ZNF638: variants seen among roughly 807,000 people sequenced by gnomAD.
The protein encoded by ZNF638 is zinc finger protein 638, also known as CTCL tumor antigen se33-1.
Under a neutral mutation model 195.6 loss-of-function variants are expected in ZNF638, and 46 were observed. The observed-to-expected ratio is 0.24, with a 90% CI of 0.19 to 0.30. The LOEUF is 0.30. Among genes scored for constraint, ZNF638 ranks in the 10% least tolerant of loss-of-function variants. The pLI, the probability that ZNF638 is intolerant of heterozygous loss-of-function variation, is 1.00. For missense variants in ZNF638, 2,440 were observed against 2,325.3 expected, an observed-to-expected ratio of 1.05 and a Z score of -1.01; for synonymous variants, 845 against 772.0, an observed-to-expected ratio of 1.09 and a Z score of -1.57.
At position 71,348,757 on chromosome 2, in the gene ZNF638, G is replaced by C. The variant is rs913671958; in HGVS notation, c.-198G>C. ...TATTTGTGTTTTAACTTTCAGCTTT[G>C]TGTTATTCTTGGAAAATTTCGCACC... On this transcript the variant is annotated 5_prime_UTR_variant, in exon 2 of 28. Transcript: ENST00000264447. 1 of 1,530,876 alleles carries C rather than the reference G, an allele frequency of 6.5e-7. No homozygotes were observed. Among genetic ancestry groups the C allele is most frequent in the Non-Finnish European group, 8.7e-7 (1 of 1,143,212 alleles). 94.8% of individuals were successfully genotyped at this position (1,530,876 alleles called of 1,614,324 possible). A position where few individuals can be genotyped will look rare whatever the true frequency, so the allele number is the denominator to read the frequency against.
Position 71,364,111 on chromosome 2 carries a change from T to G in ZNF638, c.1576T>G (p.Cys526Gly). Residue 526 changes from cysteine to glycine, a missense_variant, in exon 5 of 28, where the codon TGC (cysteine) becomes GGC (glycine). Physicochemically the swap from Cys to Gly is radical, Grantham distance 159. Transcript: ENST00000264447. ...GCCGAGAAGTCGAAGTCCAAGAATT[T>G]GCCATCGTTTCATTTCTAGATACAG... Reference protein sequence around the residue: ...YRPRSRSPRICHRFISRYRSR... With the variant: ...YRPRSRSPRIGHRFISRYRSR... The G allele has an allele frequency of 6.2e-7, 1 of 1,614,138 alleles. No homozygotes were observed. Among genetic ancestry groups the G allele is most frequent in the South Asian group, 1.1e-5 (1 of 91,080 alleles).
At chr2:71,395,289 A>C (rs1314938788) in intron 10 of ZNF638, 1 of 717,290 alleles carries the variant, frequency 1.4e-6, no homozygotes, top group Non-Finnish European at 2.6e-6. Flanking sequence ...ACGCCTGACA[A>C]ACCTGCTGCT....
chr2:71,426,904 C>A lies in ZNF638; in HGVS notation c.5035C>A (p.Arg1679Ser). 1 of 1,614,120 alleles carries A rather than the reference C, an allele frequency of 6.2e-7. No individual in the cohort carries two copies. The highest frequency in any genetic ancestry group is 8.5e-7 in the Non-Finnish European group (1 of 1,180,004). ...AGAACAAGATCTCCTCAAACAGGAA[C>A]GCTTGGTAACTGTGGATGAAATTGG... is the stretch of plus-strand genomic sequence containing the variant. ...AEEQDLLKQE[R>S]LVTVDEIGEV... Residue 1679 changes from arginine (R) to serine (S), a missense_variant, in exon 24 of 28, where the codon CGC (arginine) becomes AGC (serine). By Grantham distance (110) the Arg-to-Ser change is moderately radical. This residue lies in a region of ZNF638 where 1,883 missense variants were observed against 1,739.1 expected (regional missense o/e 1.08). Coordinates refer to ENST00000264447, the MANE Select transcript of ZNF638 (RefSeq NM_014497.5).
chr2:71,345,142 T>C (rs2078828981), intron 1 of ZNF638, among the ~76,000 whole-genome samples: 1 of 152,206 alleles, frequency 6.6e-6, no homozygotes, highest in Admixed American at 6.5e-5. Context: ...ATTGTTAATC[T>C]CTTACTGTAG....
chr2:71,357,422 G>C (rs2079041674), intron 3 of ZNF638, among the ~76,000 whole-genome samples: 1 of 152,138 alleles, frequency 6.6e-6, no homozygotes, highest in Admixed American at 6.5e-5. Context: ...TTTGTTACCT[G>C]AATTAGATAC....
At chr2:71,380,105 T>C (rs925988149) in intron 8 of ZNF638, 117 bp from the exon 9 acceptor site, 2 of 482,824 alleles carry the variant, frequency 4.1e-6, no homozygotes, top group Non-Finnish European at 3.6e-6. Context: ...TCTTTATAAA[T>C]AGGAAAAGGT....
intron 1 of ZNF638, chr2:71,333,133 C>T (rs1034314241): frequency 3.3e-5 from 5 of 152,100 alleles, no homozygotes; most frequent in Non-Finnish European, 7.4e-5. Context: ...ATTCAAATAG[C>T]TTTAAATTTT....
At chr2:71,365,228 A>C (rs544233607) in intron 5 of ZNF638, among the ~76,000 whole-genome samples, 24 of 152,204 alleles carry the variant, frequency 1.6e-4, no homozygotes, top group Non-Finnish European at 2.8e-4. Context: ...AAGCAATCTC[A>C]AAACCAAAAG....
At position 71,349,138 on chromosome 2, in the gene ZNF638, C is replaced by G; in HGVS notation, c.184C>G (p.Gln62Glu). ...CAGATTTGCTGGCCATGAATCTTATCAGAACATGGGGCCACAGAGAATGAA... is the reference window on the plus strand; with the variant it reads ...CAGATTTGCTGGCCATGAATCTTATGAGAACATGGGGCCACAGAGAATGAA... ...PHRFAGHESY[Q>E]NMGPQRMNVQ... The change falls in exon 2 of 28, where the codon CAG becomes GAG. Residue 62 changes from glutamine (Q) to glutamate (E), a missense_variant. Around this residue, in one of 5 missense-constraint regions of ZNF638, gnomAD observed 191 missense variants for 173.8 expected, o/e 1.10. Transcript: ENST00000264447. 6.2e-7 allele frequency: 1 copy of G among 1,614,166 alleles called. No individual in the cohort carries two copies. The highest frequency in any genetic ancestry group is 8.5e-7 in the Non-Finnish European group (1 of 1,180,038).
intron 20 of ZNF638, among the ~76,000 whole-genome samples, chr2:71,417,615 G>A (rs1277062259): frequency 6.6e-6 from 1 of 151,180 alleles, no homozygotes; most frequent in Non-Finnish European, 1.5e-5. Flanking sequence ...AAGTAAGTTG[G>A]CCAATATAGG....
intron 3 of ZNF638, among the ~76,000 whole-genome samples, chr2:71,360,248 A>G (rs772130341): frequency 6.6e-6 from 1 of 152,226 alleles, no homozygotes; most frequent in African/African-American, 2.4e-5. Flanking sequence ...TTGCTTTATT[A>G]TATCTTCATA....
chr2:71,353,212 C>T (rs765072332), intron 2 of ZNF638, among the ~76,000 whole-genome samples: 7 of 152,102 alleles, frequency 4.6e-5, no homozygotes, highest in Non-Finnish European at 7.3e-5. Flanking sequence ...GAAACTATAG[C>T]TGTGAAGATG....
At chr2:71,365,972 G>C (rs2079191881) in intron 6 of ZNF638, among the ~76,000 whole-genome samples, 1 of 152,202 alleles carries the variant, frequency 6.6e-6, no homozygotes, top group Admixed American at 6.5e-5. Context: ...TTCCACGTCA[G>C]CTTCCCTAAG....
chr2:71,367,235 C>CTT (rs894522535), intron 6 of ZNF638, among the ~76,000 whole-genome samples: 1 of 142,212 alleles, frequency 7.0e-6, no homozygotes, highest in Admixed American at 7.0e-5. Context: ...GGCAGTGGAA[C>CTT]TTTTTTTTTT....
chr2:71,369,909 G>A lies in ZNF638; in HGVS notation c.2169G>A (p.Glu723=). 2 of 1,587,884 alleles carry A rather than the reference G, an allele frequency of 1.3e-6. No individual in the cohort carries two copies. The highest frequency in any genetic ancestry group is 1.7e-6 in the Non-Finnish European group (2 of 1,171,304). The change falls in exon 8 of 28, where the codon GAG becomes GAA. Residue 723 remains glutamate (E), a synonymous_variant. Coordinates refer to ENST00000264447, the MANE Select transcript of ZNF638 (RefSeq NM_014497.5). The part of the protein sequence containing the change: ...KEAYLEMEFK[E]AITAIMKYIE... ...CTTACCTAGAAATGGAATTTAAAGA[G>A]GCAATTACTGCAATTATGAAGTACA...
intron 3 of ZNF638, among the ~76,000 whole-genome samples, chr2:71,359,174 A>C (rs1175938974): frequency 6.6e-6 from 1 of 152,198 alleles, no homozygotes; most frequent in South Asian, 2.1e-4. Flanking sequence ...GGCTTACACA[A>C]TTATGGAGGC....
intron 1 of ZNF638, among the ~76,000 whole-genome samples, chr2:71,339,811 A>G (rs1443822376): frequency 6.6e-6 from 1 of 152,194 alleles, no homozygotes; most frequent in Non-Finnish European, 1.5e-5. Flanking sequence ...CAGCTTGGAT[A>G]AGGTGTTTCC....
chr2:71,426,182 G>A (rs1048144091), intron 23 of ZNF638, among the ~76,000 whole-genome samples: 9 of 151,968 alleles, frequency 5.9e-5, no homozygotes, highest in Middle Eastern at 3.2e-3. Context: ...GTCATACTTC[G>A]AAACTCTTCA....
At position 71,426,515 on chromosome 2, in the gene ZNF638, A is replaced by C; in HGVS notation, c.4646A>C (p.Glu1549Ala). 1 of 1,610,228 alleles carries C rather than the reference A, an allele frequency of 6.2e-7. No homozygotes were observed. The highest frequency in any genetic ancestry group is 1.3e-5 in the African/African-American group (1 of 74,618). ...DEFVTVDEVI[E>A]EVNPSQAKQN... ...TTTGTTACTGTGGATGAGGTTATAGAAGAAGTGAATCCTTCTCAGGCCAAG... is the reference window on the plus strand; with the variant it reads ...TTTGTTACTGTGGATGAGGTTATAGCAGAAGTGAATCCTTCTCAGGCCAAG... The change falls in exon 24 of 28, where the codon GAA becomes GCA. Residue 1549 changes from glutamate (E) to alanine (A), a missense_variant. Coordinates refer to ENST00000264447, the MANE Select transcript of ZNF638 (RefSeq NM_014497.5).
Sources: gnomAD v4.1 joint callset for allele counts (sites outside exome capture counted in the v4.1 genomes callset) on GRCh38, gnomAD v4.1.1 for gene constraint, gnomAD v4.1.1 regional missense constraint, MANE v1.5 for transcripts, NCBI Gene and HGNC (gene_info 2026-07-23, HGNC 2026-07-21) for gene names.